Variants in ADARB2 observed in about 807,000 individuals in gnomAD.
ADARB2 encodes adenosine deaminase RNA specific B2 (inactive), also known as inactive double-stranded RNA-specific editase B2.
ADARB2 carries 25 observed loss-of-function variants against 62.2 expected under a neutral mutation model. That is an observed-to-expected ratio of 0.40 (90% confidence interval 0.29 to 0.56). The LOEUF is 0.56. Ranked by LOEUF, ADARB2 falls within the 20% of genes least tolerant of loss-of-function variation. The probability of loss-of-function intolerance (pLI) is 0.43; values close to 1 mark genes in which losing one functional copy is unlikely to be tolerated. For synonymous variants in ADARB2, 572 were observed against 500.8 expected (o/e 1.14, Z -1.90); for missense variants, 1,071 against 1,077.4 (o/e 0.99, Z 0.08).
chr10:1,554,840 T>G (rs1306643220), intron 1 of ADARB2, among the ~76,000 whole-genome samples: 3 of 152,164 alleles, frequency 2.0e-5, no homozygotes, highest in Non-Finnish European at 4.4e-5. Flanking sequence ...AACGATCTCG[T>G]GCCCCAGGTA....
intron 3 of ADARB2, among the ~76,000 whole-genome samples, chr10:1,289,374 G>A (rs1831443475): frequency 6.6e-6 from 1 of 152,246 alleles, no homozygotes; most frequent in South Asian, 2.1e-4. Flanking sequence ...TCCTGAGGCT[G>A]TGTCACAGGT....
intron 1 of ADARB2, among the ~76,000 whole-genome samples, chr10:1,685,899 G>A (rs1588352297): frequency 6.6e-6 from 1 of 152,178 alleles, no homozygotes; most frequent in Non-Finnish European, 1.5e-5. Context: ...TGTGCAGGGC[G>A]GACGTGGCTG....
intron 3 of ADARB2, among the ~76,000 whole-genome samples, chr10:1,353,602 G>A (rs965154314): frequency 7.9e-5 from 12 of 151,950 alleles, no homozygotes; most frequent in East Asian, 3.9e-4. Context: ...ACTCTACTCC[G>A]CCCATATTTG....
At chr10:1,714,697 TC>T (rs1834994594) in intron 1 of ADARB2, among the ~76,000 whole-genome samples, 1 of 152,160 alleles carries the variant, frequency 6.6e-6, no homozygotes, top group Non-Finnish European at 1.5e-5. Flanking sequence ...ACCTGACACA[TC>T]CGTGCCCATC....
At chr10:1,626,337 CAT>C in intron 1 of ADARB2, among the ~76,000 whole-genome samples, 1 of 122,662 alleles carries the variant, frequency 8.2e-6, no homozygotes, top group Non-Finnish European at 1.8e-5. Flanking sequence ...CTCTCTCCTG[CAT>C]GGACACAGGC....
chr10:1,440,727 G>A (rs1243166431), intron 1 of ADARB2, among the ~76,000 whole-genome samples: 3 of 152,216 alleles, frequency 2.0e-5, no homozygotes, highest in Non-Finnish European at 4.4e-5. Flanking sequence ...AGTGTTAACT[G>A]TAAAGTGGTT....
At chr10:1,649,185 T>C (rs957182928) in intron 1 of ADARB2, among the ~76,000 whole-genome samples, 11 of 152,154 alleles carry the variant, frequency 7.2e-5, no homozygotes, top group African/African-American at 2.4e-4. Context: ...AATTTGCTTG[T>C]ATGGAATGAA....
At chr10:1,480,962 C>T (rs910616675) in intron 1 of ADARB2, among the ~76,000 whole-genome samples, 1 of 151,994 alleles carries the variant, frequency 6.6e-6, no homozygotes, top group African/African-American at 2.4e-5. Flanking sequence ...ATAGAAAAAC[C>T]CATCCTAAAA....
intron 1 of ADARB2, among the ~76,000 whole-genome samples, chr10:1,506,357 G>T (rs1588280954): frequency 6.6e-6 from 1 of 152,158 alleles, no homozygotes; most frequent in South Asian, 2.1e-4. Context: ...CCTAATGGAA[G>T]CTTCCAGATG....
intron 1 of ADARB2, among the ~76,000 whole-genome samples, chr10:1,515,773 G>C (rs1024646540): frequency 6.6e-6 from 1 of 152,206 alleles, no homozygotes; most frequent in African/African-American, 2.4e-5. Context: ...TGCAGGAAGC[G>C]GCCAGCCACT....
At chr10:1,695,961 A>G (rs1834736993) in intron 1 of ADARB2, among the ~76,000 whole-genome samples, 1 of 151,892 alleles carries the variant, frequency 6.6e-6, no homozygotes, top group Non-Finnish European at 1.5e-5. Flanking sequence ...TGGGATGCAC[A>G]TGTGTATGTG....
At chr10:1,361,441 G>A (rs1564268718) in intron 3 of ADARB2, 1 of 152,150 alleles carries the variant, frequency 6.6e-6, no homozygotes, top group African/African-American at 2.4e-5. Context: ...ATTTGAGGGC[G>A]AGTTTGGACG....
At chr10:1,392,912 C>T (rs979190057) in intron 1 of ADARB2, among the ~76,000 whole-genome samples, 3 of 151,970 alleles carry the variant, frequency 2.0e-5, no homozygotes, top group African/African-American at 4.8e-5. Context: ...AGAATGTGAC[C>T]GTATTTGGAG....
intron 3 of ADARB2, among the ~76,000 whole-genome samples, chr10:1,331,438 A>T (rs2131833984): frequency 6.6e-6 from 1 of 152,352 alleles, no homozygotes; most frequent in South Asian, 2.1e-4. Flanking sequence ...AAAAGAAATG[A>T]AGTTCTGACG....
chr10:1,587,976 A>G (rs1281418787), intron 1 of ADARB2, among the ~76,000 whole-genome samples: 1 of 152,058 alleles, frequency 6.6e-6, no homozygotes, highest in African/African-American at 2.4e-5. Flanking sequence ...GAGTCCATTA[A>G]GTGTCTTTTT....
At chr10:1,478,764 G>C (rs1831433010) in intron 1 of ADARB2, among the ~76,000 whole-genome samples, 1 of 151,748 alleles carries the variant, frequency 6.6e-6, no homozygotes, top group Non-Finnish European at 1.5e-5. Flanking sequence ...CCTCGGATGG[G>C]AGAGCGCCAA....
intron 8 of ADARB2, among the ~76,000 whole-genome samples, chr10:1,186,030 ACCTGCCGAGAC>A (rs1197713429): frequency 1.3e-5 from 2 of 152,304 alleles, no homozygotes; most frequent in Admixed American, 1.3e-4. Flanking sequence ...TCCAGGGGGC[ACCTGCCGAGAC>A]CCTGCCCTGT....
At position 1,704,669 on chromosome 10, in the gene ADARB2, T is replaced by C. The variant is rs1834865460; in HGVS notation, c.100+32382A>G. Among the ~76,000 whole-genome samples, 1 of 152,194 alleles carries C rather than the reference T, an allele frequency of 6.6e-6. No homozygotes were observed. Among genetic ancestry groups the C allele is most frequent in the Non-Finnish European group, 1.5e-5 (1 of 68,040 alleles). Reference sequence around the variant, plus strand: ...AGTTAAAGCATCTAACTCTGGGGTTTTGTGAGGGGTACATATAAAGTGGTT... The same window carrying C: ...AGTTAAAGCATCTAACTCTGGGGTTCTGTGAGGGGTACATATAAAGTGGTT... On this transcript the variant is annotated intron_variant, in intron 1 of 9. Transcript: ENST00000381312. This position sits in a 1 kb window ranked among gnomAD's most constrained non-coding sequence, Gnocchi z 5.6.
intron 3 of ADARB2, among the ~76,000 whole-genome samples, chr10:1,287,574 G>A: frequency 6.6e-6 from 1 of 152,244 alleles, no homozygotes; most frequent in African/African-American, 2.4e-5. Context: ...TGAGAGTTCT[G>A]CAGCCATGCA....
Sources: allele counts gnomAD v4.1 joint callset (sites outside exome capture counted in the v4.1 genomes callset), GRCh38; gene constraint gnomAD v4.1.1; non-coding constraint Gnocchi (gnomAD v3.1); transcripts MANE v1.5; gene names NCBI Gene and HGNC (gene_info 2026-07-23, HGNC 2026-07-21).